Variants in KNTC1 observed in about 807,000 individuals in gnomAD.
KNTC1 encodes kinetochore associated 1.
A neutral mutation model predicts 314.4 loss-of-function variants in KNTC1; 253 were observed. That is an observed-to-expected ratio of 0.80 (90% CI 0.73 to 0.89). The LOEUF is 0.89. Among genes scored for constraint, KNTC1 ranks in the 40% least tolerant of loss-of-function variants. The probability of loss-of-function intolerance (pLI) is 0.00; values close to 1 mark genes in which losing one functional copy is unlikely to be tolerated. For synonymous variants in KNTC1, 901 were observed against 901.4 expected, an observed-to-expected ratio of 1.00 and a Z score of 0.01; for missense variants, 2,475 against 2,572.9, an observed-to-expected ratio of 0.96 and a Z score of 0.82.
In KNTC1 at chr12:122,568,381, T is replaced by G; in HGVS notation, c.1716+9T>G. 6.8e-7 allele frequency: 1 copy of G among 1,468,026 alleles called. No individual in the cohort carries two copies. Among genetic ancestry groups the G allele is most frequent in the Non-Finnish European group, 9.5e-7 (1 of 1,048,444 alleles). 90.9% of individuals were successfully genotyped at this position (1,468,026 alleles called of 1,614,324 possible). On this transcript the variant is annotated intron_variant, in intron 21 of 63. Coordinates refer to ENST00000333479, the MANE Select transcript of KNTC1 (RefSeq NM_014708.6). ...TTTGGCTTCGACATCGGGTAACATG[T>G]TTTACATTTTTTCCTTAACAGCTTT...
At chr12:122,543,159 C>T (rs912685543) in intron 6 of KNTC1, among the ~76,000 whole-genome samples, 6 of 152,268 alleles carry the variant, frequency 3.9e-5, no homozygotes, top group African/African-American at 4.8e-5. Flanking sequence ...GTGATTTGCC[C>T]GTCTTGGCCT....
chr12:122,596,914 T>C (rs1165939851), intron 43 of KNTC1, among the ~76,000 whole-genome samples: 1 of 152,188 alleles, frequency 6.6e-6, no homozygotes, highest in African/African-American at 2.4e-5. Context: ...TTCATTTATT[T>C]CTGCTCTGAT....
rs1962792057 is a variant in KNTC1, at chr12:122,546,668, T to C, written c.810T>C (p.Asp270=). The change falls in exon 10 of 64, where the codon GAT becomes GAC. Residue 270 remains aspartate (D), a synonymous_variant. Coordinates refer to ENST00000333479, the MANE Select transcript of KNTC1 (RefSeq NM_014708.6). The part of the protein sequence containing the change: ...QLIDNLLFVL[D]TDNVLSLWDI... ...TAGACAATCTACTTTTTGTTCTTGA[T>C]ACTGATGTATGTTTCTTGTTTCTCC... 6.4e-7 allele frequency: 1 copy of C among 1,566,788 alleles called. No homozygotes were observed. The highest frequency in any genetic ancestry group is 8.7e-7 in the Non-Finnish European group (1 of 1,146,974).
At chr12:122,544,583 G>T (rs942911958) in intron 8 of KNTC1, among the ~76,000 whole-genome samples, 1 of 152,072 alleles carries the variant, frequency 6.6e-6, no homozygotes, top group Admixed American at 6.6e-5. Flanking sequence ...TGGAAAAACA[G>T]CACATTATTG....
chr12:122,546,547 AAT>A (rs1443297129), intron 9 of KNTC1, 73 bp from the exon 10 acceptor site: 3 of 962,400 alleles, frequency 3.1e-6, no homozygotes, highest in African/African-American at 3.3e-5. Context: ...CCTTTCTGTG[AAT>A]ATGTTAGTTT....
At chr12:122,541,283 G>GCCTTCCTTCCTT (rs1326545612) in intron 5 of KNTC1, among the ~76,000 whole-genome samples, 58 of 66,758 alleles carry the variant, frequency 8.7e-4, no homozygotes, top group East Asian at 6.8e-3. Context: ...CTGCCTGCCT[G>GCCTTCCTTCCTT]CCTGCCTTCC....
rs1477513775 is a variant in KNTC1, at chr12:122,584,123, CAAAAAAACAAA to C, written c.3264-153_3264-143del. Among the ~76,000 whole-genome samples the C allele has an allele frequency of 3.3e-5, 5 of 151,578 alleles. No individual in the cohort carries two copies. In the South Asian group the frequency reaches 6.3e-4, roughly 19 times the overall value. ...TAGGCGATAGGGCTAGAGCCTGTCTCAAAAAAACAAAAGAAAAACTACACTATATACCATGA... is the reference window on the plus strand; with the variant it reads ...TAGGCGATAGGGCTAGAGCCTGTCTCAGAAAAACTACACTATATACCATGA... On this transcript the variant is annotated intron_variant, in intron 34 of 63. Transcript: ENST00000333479.
At chr12:122,580,452 T>G in intron 32 of KNTC1, 151 bp from the exon 33 acceptor site, 1 of 504,404 alleles carries the variant, frequency 2.0e-6, no homozygotes. Flanking sequence ...AATTAGATCT[T>G]TTGTACTTAG....
chr12:122,602,545 C>A (rs1051112727), intron 45 of KNTC1, 24 bp from the exon 46 acceptor site: 1 of 1,519,696 alleles, frequency 6.6e-7, no homozygotes, highest in Non-Finnish European at 9.0e-7. Context: ...TCTTACTGGA[C>A]AAAAGTTTTT....
rs979058487 is a variant in KNTC1, at chr12:122,588,771, A to T, written c.3954A>T (p.Lys1318Asn). The T allele has an allele frequency of 3.2e-6, 5 of 1,569,346 alleles. No individual in the cohort carries two copies. The highest frequency in any genetic ancestry group is 2.7e-5 in the African/African-American group (2 of 73,780). ...ATGTTGTTATGGAATTGAAAGAAAA[A>T]GCTGTTATATTTATCAGGGAAAATG... is the stretch of plus-strand genomic sequence containing the variant. The part of the protein sequence containing the change: ...SRHVVMELKE[K>N]AVIFIRENAT... Residue 1318 changes from lysine to asparagine, a missense_variant, in exon 40 of 64, where the codon AAA becomes AAT. By Grantham distance (94) the Lys-to-Asn change is moderately conservative. Transcript: ENST00000333479.
chr12:122,618,471 T>G lies in KNTC1; in HGVS notation c.6086-11T>G, dbSNP rs759832772. 5 of 1,612,766 alleles carry G rather than the reference T, an allele frequency of 3.1e-6. No homozygotes were observed. The African/African-American group carries it at 4.0e-5, about 13-fold the overall frequency. On this transcript the variant is annotated splice_polypyrimidine_tract_variant and intron_variant, in intron 58 of 63. Coordinates refer to ENST00000333479, the MANE Select transcript of KNTC1 (RefSeq NM_014708.6). ...GTGTATATCATGGTTGTTTTTTTGT[T>G]TTGTTTTCAGCCTCTTGTCCTTTAA...
At chr12:122,604,113 G>A (rs1187443617) in intron 48 of KNTC1, among the ~76,000 whole-genome samples, 1 of 150,830 alleles carries the variant, frequency 6.6e-6, no homozygotes, top group East Asian at 1.9e-4. Flanking sequence ...AACTCCTAAA[G>A]GCATATAAGA....
In KNTC1 at chr12:122,586,683, T is replaced by A. The variant is rs1869357404; in HGVS notation, c.3674-18T>A. 1 of 1,384,244 alleles carries A rather than the reference T, an allele frequency of 7.2e-7. No individual in the cohort carries two copies. Among genetic ancestry groups the A allele is most frequent in the Non-Finnish European group, 9.7e-7 (1 of 1,029,278 alleles). The allele number at this position is 1,384,244 out of a possible 1,614,324, so 85.7% of individuals were successfully genotyped here. A position where few individuals can be genotyped will look rare whatever the true frequency, so the allele number is the denominator to read the frequency against. On this transcript the variant is annotated intron_variant, in intron 37 of 63. Transcript: ENST00000333479. ...GCCATCTATTTAGTGTTGTTTAATG[T>A]TTTATTATCTTTTGTAGAAAGCAAG...
At chr12:122,534,826 C>G (rs1385202051) in intron 3 of KNTC1, 42 bp downstream of exon 3, 1 of 1,584,752 alleles carries the variant, frequency 6.3e-7, no homozygotes, top group African/African-American at 1.3e-5. Context: ...AATTGGAAGT[C>G]AAATACATCT....
intron 57 of KNTC1, chr12:122,617,353 T>A (rs1873874107): frequency 2.2e-6 from 1 of 444,904 alleles, no homozygotes; most frequent in African/African-American, 2.0e-5. Flanking sequence ...TAACCACTCC[T>A]CTATTGATGG....
At chr12:122,572,329 A>G (rs774996809) in intron 24 of KNTC1, among the ~76,000 whole-genome samples, 1 of 152,086 alleles carries the variant, frequency 6.6e-6, no homozygotes, top group Non-Finnish European at 1.5e-5. Context: ...GGGGAGGCAG[A>G]GGTTGCAGTG....
intron 27 of KNTC1, 21 bp from the exon 28 acceptor site, chr12:122,575,521 TC>T: frequency 6.5e-7 from 1 of 1,537,336 alleles, no homozygotes; most frequent in Non-Finnish European, 8.9e-7. Flanking sequence ...CTGTTCCTTG[TC>T]CATGCGTGCA....
rs773362150 is a variant in KNTC1 at position 122,597,770 on chromosome 12, C to A, written c.4395C>A (p.Phe1465Leu). Residue 1465 changes from phenylalanine to leucine, a missense_variant, in exon 44 of 64, where the codon TTC becomes TTA. Physicochemically the swap from Phe to Leu is conservative, Grantham distance 22. Transcript: ENST00000333479. The stretch of plus-strand genomic sequence containing the variant: ...ACTGCGATGCAGTTCTTCAGCTCTT[C>A]ATTGAAACGCTGCTCCACAACACAA... ...QLDCDAVLQLFIETLLHNTNA... is the reference protein window; with the variant it reads ...QLDCDAVLQLLIETLLHNTNA... The A allele has an allele frequency of 6.2e-7, 1 of 1,613,966 alleles. No individual in the cohort carries two copies. Among genetic ancestry groups the A allele is most frequent in the African/African-American group, 1.3e-5 (1 of 75,054 alleles).
Position 122,622,547 on chromosome 12 carries a change from T to C in KNTC1, c.6455T>C (p.Met2152Thr), listed in dbSNP as rs1379135018. The C allele has an allele frequency of 6.3e-7, 1 of 1,575,060 alleles. No homozygotes were observed. Among genetic ancestry groups the C allele is most frequent in the Admixed American group, 1.9e-5 (1 of 53,666 alleles). The change falls in exon 62 of 64, where the codon ATG (methionine) becomes ACG (threonine). Residue 2152 changes from methionine (M) to threonine (T), a missense_variant. Transcript: ENST00000333479. ...ACCAAATACTTTCAAATGTTGAAGA[T>C]GCATGCGATGAATACCAACAATATC... ...AKTKYFQMLKMHAMNTNNITE... is the reference protein window; with the variant it reads ...AKTKYFQMLKTHAMNTNNITE...
Sources: allele counts gnomAD v4.1 joint callset (sites outside exome capture counted in the v4.1 genomes callset), GRCh38; gene constraint gnomAD v4.1.1; transcripts MANE v1.5; gene names NCBI Gene and HGNC (gene_info 2026-07-23, HGNC 2026-07-21).